ZNF81: variants seen among roughly 807,000 people sequenced by gnomAD.
ZNF81 encodes the protein zinc finger protein 81 (HFZ20).
A neutral mutation model predicts 32.3 loss-of-function variants in ZNF81; 5 were observed. The observed-to-expected ratio is 0.15, with a 90% CI of 0.08 to 0.33. The LOEUF (loss-of-function observed/expected upper bound fraction) is 0.33, where lower values mean the gene tolerates loss of function less well. ZNF81 is among the 10% of genes least tolerant of loss of function. The pLI is 1.00. For synonymous variants in ZNF81, 163 were observed against 166.8 expected, an observed-to-expected ratio of 0.98 and a Z score of 0.17; for missense variants, 379 against 479.8, an observed-to-expected ratio of 0.79 and a Z score of 1.96.
At chrX:47,847,886 T>C (rs1328594184) in intron 2 of ZNF81, among the ~76,000 whole-genome samples, 2 of 110,732 alleles carry the variant, frequency 1.8e-5, no homozygotes, top group Non-Finnish European at 3.8e-5. Context: ...ATTTGTCTTT[T>C]TGGCTGAGAA....
chrX:47,917,254 A>G lies in ZNF81; in HGVS notation c.*622A>G, dbSNP rs1015351436. On this transcript the variant is annotated 3_prime_UTR_variant, in exon 5 of 5. Transcript: ENST00000338637. ...ACAATTTAAAAGTCACTTTGGTTTTATATATACACACATCTGCAGATATAA... is the reference window on the plus strand; with the variant it reads ...ACAATTTAAAAGTCACTTTGGTTTTGTATATACACACATCTGCAGATATAA... The G allele has an allele frequency of 6.8e-6, 2 of 295,757 alleles. No homozygotes were observed. Among genetic ancestry groups the G allele is most frequent in the African/African-American group, 5.5e-5 (2 of 36,521 alleles). 24.4% of individuals were successfully genotyped at this position (295,757 alleles called of 1,213,427 possible). A position where few individuals can be genotyped will look rare whatever the true frequency, so the allele number is the denominator to read the frequency against.
At chrX:47,850,267 C>CT (rs1230447497) in intron 2 of ZNF81, among the ~76,000 whole-genome samples, 1 of 105,723 alleles carries the variant, frequency 9.5e-6, no homozygotes, top group Non-Finnish European at 1.9e-5. Flanking sequence ...AATCCCAACA[C>CT]TTTGAGAAGC....
chrX:47,850,506 A>G (rs2058489661), intron 2 of ZNF81, among the ~76,000 whole-genome samples: 2 of 108,335 alleles, frequency 1.8e-5, no homozygotes, highest in African/African-American at 3.3e-5. Context: ...CATATAGTAT[A>G]GAGGGGTACA....
intron 1 of ZNF81, chrX:47,841,751 C>T (rs1197810278): frequency 4.5e-6 from 2 of 449,201 alleles, no homozygotes; most frequent in South Asian, 3.9e-5. Flanking sequence ...TGGAGGATTA[C>T]AAGTTTTATT....
intron 2 of ZNF81, among the ~76,000 whole-genome samples, chrX:47,885,336 T>C (rs1451047522): frequency 3.6e-5 from 4 of 112,128 alleles, no homozygotes; most frequent in Non-Finnish European, 7.5e-5. Flanking sequence ...TATAAGTGTA[T>C]GTCTTTCACC....
Position 47,888,138 on chromosome X carries a change from A to G in ZNF81, c.181+13A>G. 8.3e-7 allele frequency: 1 copy of G among 1,205,876 alleles called. No homozygotes were observed. The highest frequency in any genetic ancestry group is 1.1e-6 in the Non-Finnish European group (1 of 892,256). ...CTGCTCTCAGTGGGTAAGGACAACC[A>G]TCCTGTGAAGTTGTGAGGAGCCTGT... On this transcript the variant is annotated intron_variant, in intron 3 of 4. Coordinates refer to ENST00000338637, the MANE Select transcript of ZNF81 (RefSeq NM_007137.5).
chrX:47,840,127 CTT>C (rs34211141), intron 1 of ZNF81, among the ~76,000 whole-genome samples: 31,268 of 82,306 alleles, frequency 0.38, 5,015 homozygotes, highest in East Asian at 0.56. Context: ...TCTTCTCTCT[CTT>C]TTTTTTTTTT....
At chrX:47,900,124 C>G (rs1451618624) in intron 4 of ZNF81, among the ~76,000 whole-genome samples, 2 of 110,871 alleles carry the variant, frequency 1.8e-5, no homozygotes, top group Non-Finnish European at 3.8e-5. Context: ...TATGGATATG[C>G]AAAAGACCTA....
chrX:47,887,109 CT>C (rs2058644881), intron 2 of ZNF81, among the ~76,000 whole-genome samples: 1 of 111,499 alleles, frequency 9.0e-6, no homozygotes, highest in Admixed American at 9.5e-5. Flanking sequence ...CACATTGGCA[CT>C]TTTGTCAAAA....
chrX:47,904,216 G>A (rs2058710902), intron 4 of ZNF81, among the ~76,000 whole-genome samples: 1 of 111,359 alleles, frequency 9.0e-6, no homozygotes, highest in Non-Finnish European at 1.9e-5. Flanking sequence ...TGACAAATGG[G>A]ATCTAATTAA....
chrX:47,876,371 T>C (rs1603190091), intron 2 of ZNF81, among the ~76,000 whole-genome samples: 1 of 112,325 alleles, frequency 8.9e-6, no homozygotes, highest in Admixed American at 9.4e-5. Flanking sequence ...AAATCCCAAT[T>C]CCCACAGGGG....
intron 2 of ZNF81, among the ~76,000 whole-genome samples, chrX:47,865,035 T>C: frequency 1.8e-5 from 2 of 112,293 alleles, no homozygotes; most frequent in South Asian, 7.4e-4. Context: ...GTGGAAACCA[T>C]CAGGTTTCAG....
rs1314200978 is a variant in ZNF81 at position 47,921,859 on chromosome X, T to G, written c.*5227T>G. On this transcript the variant is annotated 3_prime_UTR_variant, in exon 5 of 5. Transcript: ENST00000338637. ...ACTGTAAGCCAGATAGCTTGACTCA[T>G]GAGGGACCTTCAGCCAGAGGCATCT... is the stretch of plus-strand genomic sequence containing the variant. The G allele has an allele frequency of 1.8e-5, 2 of 111,421 alleles. No homozygotes were observed. The highest frequency in any genetic ancestry group is 1.9e-4 in the Admixed American group (2 of 10,479). 9.2% of individuals were successfully genotyped at this position (111,421 alleles called of 1,213,427 possible).
At chrX:47,838,362 G>A (rs1021438659) in intron 1 of ZNF81, among the ~76,000 whole-genome samples, 2 of 111,897 alleles carry the variant, frequency 1.8e-5, no homozygotes, top group Admixed American at 9.5e-5. Context: ...ATAAGAGAGT[G>A]GACATCTTTG....
intron 2 of ZNF81, among the ~76,000 whole-genome samples, chrX:47,854,726 A>G (rs1478653400): frequency 9.0e-6 from 1 of 111,693 alleles, no homozygotes; most frequent in African/African-American, 3.3e-5. Context: ...ACCATCTTCT[A>G]TGCGCATGGT....
intron 4 of ZNF81, among the ~76,000 whole-genome samples, chrX:47,900,325 C>G (rs991508318): frequency 9.0e-6 from 1 of 111,164 alleles, no homozygotes; most frequent in African/African-American, 3.3e-5. Context: ...TGATTTTTGA[C>G]AAAGGTGCCA....
intron 4 of ZNF81, among the ~76,000 whole-genome samples, chrX:47,909,086 A>G (rs1556889518): frequency 8.9e-6 from 1 of 112,167 alleles, no homozygotes; most frequent in African/African-American, 3.2e-5. Context: ...GTTAATATCT[A>G]CACTTTACTA....
Position 47,910,947 on chromosome X carries a change from A to G in ZNF81, c.278-3977A>G, listed in dbSNP as rs782460312. Among the ~76,000 whole-genome samples the G allele has an allele frequency of 1.4e-3, 152 of 110,891 alleles. 1 individual carries two copies. The highest frequency in any genetic ancestry group is 2.3e-3 in the Non-Finnish European group (122 of 52,864). ...ACTTAGTCTCTCATCTAGTTCCAGT[A>G]ACATCACTCCAAAACAGGTCTGTAT... On this transcript the variant is annotated intron_variant, in intron 4 of 4. Transcript: ENST00000338637.
At chrX:47,901,799 G>A (rs1451739047) in intron 4 of ZNF81, among the ~76,000 whole-genome samples, 9 of 110,158 alleles carry the variant, frequency 8.2e-5, no homozygotes, top group Non-Finnish European at 1.7e-4. Context: ...TTTGATTTTG[G>A]TATCATGTTA....
Sources: gnomAD v4.1 joint callset for allele counts (sites outside exome capture counted in the v4.1 genomes callset) on GRCh38, gnomAD v4.1.1 for gene constraint, MANE v1.5 for transcripts, NCBI Gene and HGNC (gene_info 2026-07-23, HGNC 2026-07-21) for gene names.